The following CACNA1E variants were observed in gnomAD, a reference collection of about 807,000 sequenced individuals.
CACNA1E encodes calcium voltage-gated channel subunit alpha1 E.
Under a neutral mutation model 259.2 loss-of-function variants are expected in CACNA1E, and 40 were observed. The observed-to-expected ratio is 0.15, with a 90% CI of 0.12 to 0.20. The LOEUF (loss-of-function observed/expected upper bound fraction) is 0.20. Ranked by LOEUF, CACNA1E falls within the 10% of genes least tolerant of loss-of-function variation. The pLI is 1.00. For missense variants in CACNA1E, 1,874 were observed against 3,040.1 expected, an observed-to-expected ratio of 0.62 and a Z score of 9.02; for synonymous variants, 1,104 against 1,138.5, an observed-to-expected ratio of 0.97 and a Z score of 0.61.
At chr1:181,376,241 T>C (rs934393654) in intron 1 of CACNA1E, among the ~76,000 whole-genome samples, 11 of 152,326 alleles carry the variant, frequency 7.2e-5, no homozygotes, top group African/African-American at 2.6e-4. Context: ...CCACAAATCA[T>C]ACCATCTATG....
chr1:181,610,187 C>T (rs1311979913), intron 6 of CACNA1E, among the ~76,000 whole-genome samples: 2 of 152,190 alleles, frequency 1.3e-5, no homozygotes, highest in Non-Finnish European at 2.9e-5. Context: ...TCCAGTGTTA[C>T]AGAGAGAGTC....
At chr1:181,551,110 C>A (rs776960282) in intron 3 of CACNA1E, among the ~76,000 whole-genome samples, 2 of 152,094 alleles carry the variant, frequency 1.3e-5, no homozygotes, top group Non-Finnish European at 2.9e-5. Context: ...GTGGCTCGTT[C>A]TCCTGTGTTT....
At chr1:181,447,413 C>G (rs967003918) in intron 2 of CACNA1E, among the ~76,000 whole-genome samples, 1 of 151,584 alleles carries the variant, frequency 6.6e-6, no homozygotes, top group Admixed American at 6.6e-5. Context: ...TGCCTGTAGT[C>G]CCAGTTATCC....
chr1:181,806,245 G>C lies in CACNA1E; in HGVS notation c.*7411G>C, dbSNP rs1003935200. The C allele has an allele frequency of 6.6e-6, 1 of 152,284 alleles. No individual in the cohort carries two copies. Among genetic ancestry groups the C allele is most frequent in the African/African-American group, 2.4e-5 (1 of 41,438 alleles). 9.4% of individuals were successfully genotyped at this position (152,284 alleles called of 1,614,324 possible). On this transcript the variant is annotated 3_prime_UTR_variant, in exon 48 of 48. Transcript: ENST00000367573. ...GGGATGGGAGAAGGGCCAGTGAGTG[G>C]GATGGGAATGAGCTTCATCAGGAAC...
chr1:181,353,241 A>G (rs554315756), intron 1 of CACNA1E, among the ~76,000 whole-genome samples: 2 of 152,220 alleles, frequency 1.3e-5, no homozygotes, highest in East Asian at 1.9e-4. Flanking sequence ...ACAGCATTTA[A>G]TGGGGGCCTA....
chr1:181,494,320 T>TG (rs988320647), intron 1 of CACNA1E, among the ~76,000 whole-genome samples: 6 of 151,886 alleles, frequency 4.0e-5, no homozygotes, highest in African/African-American at 1.5e-4. Context: ...AGTGGTGTTT[T>TG]TTTTTTTTTT....
intron 1 of CACNA1E, among the ~76,000 whole-genome samples, chr1:181,346,066 AC>A (rs1266018490): frequency 2.6e-5 from 4 of 151,986 alleles, no homozygotes; most frequent in Admixed American, 2.6e-4. Context: ...TGGAATGGAG[AC>A]CCCTGCACAG....
chr1:181,320,062 T>C (rs1178911748), intron 1 of CACNA1E, among the ~76,000 whole-genome samples: 1 of 152,214 alleles, frequency 6.6e-6, no homozygotes, highest in Non-Finnish European at 1.5e-5. Flanking sequence ...AGTCTGGGAC[T>C]CCCAGGAGGC....
intron 3 of CACNA1E, among the ~76,000 whole-genome samples, chr1:181,522,528 G>GA (rs1667067094): frequency 6.6e-6 from 1 of 152,164 alleles, no homozygotes; most frequent in Non-Finnish European, 1.5e-5. Context: ...TTGTTTATGG[G>GA]ATGTTTCTCT....
intron 1 of CACNA1E, among the ~76,000 whole-genome samples, chr1:181,404,936 T>C (rs642876): frequency 0.51 from 78,087 of 152,052 alleles, 20,910 homozygotes; most frequent in African/African-American, 0.66. Flanking sequence ...GCCCCATATG[T>C]CCAGCTTTGG....
intron 1 of CACNA1E, among the ~76,000 whole-genome samples, chr1:181,375,578 G>A (rs1655050358): frequency 6.6e-6 from 1 of 152,216 alleles, no homozygotes. Context: ...CATCGAATGT[G>A]TTGGTTAGCT....
At chr1:181,493,118 C>T (rs1476080025) in intron 1 of CACNA1E, among the ~76,000 whole-genome samples, 3 of 152,164 alleles carry the variant, frequency 2.0e-5, no homozygotes, top group East Asian at 1.9e-4. Flanking sequence ...TGCTATAGAC[C>T]TGTCTCTCCT....
rs150331056 is a variant in CACNA1E, at chr1:181,424,716, G to A, written c.434+11136G>A. Among the ~76,000 whole-genome samples, 19 of 152,296 alleles carry A rather than the reference G, an allele frequency of 1.2e-4. 1 individual carries two copies. The East Asian group carries it at 3.3e-3, about 26-fold the overall frequency. ...CCATCTTTTCCAGAGCACAGTGCTG[G>A]GAGCAAGGGCTGGGGGAGATCTGTT... is the stretch of plus-strand genomic sequence containing the variant. On this transcript the variant is annotated intron_variant, in intron 2 of 11. Coordinates refer to the CACNA1E transcript ENST00000524607.
chr1:181,599,745 T>C (rs1653556605), intron 6 of CACNA1E, among the ~76,000 whole-genome samples: 1 of 152,226 alleles, frequency 6.6e-6, no homozygotes, highest in Non-Finnish European at 1.5e-5. Flanking sequence ...GTGAATGATA[T>C]AGGATCAAGC....
intron 3 of CACNA1E, among the ~76,000 whole-genome samples, chr1:181,561,739 T>C (rs1212994291): frequency 6.6e-6 from 1 of 152,242 alleles, no homozygotes; most frequent in African/African-American, 2.4e-5. Flanking sequence ...GTAGCTGTGA[T>C]AAATAACTAT....
chr1:181,531,624 A>G (rs1667788347), intron 3 of CACNA1E, among the ~76,000 whole-genome samples: 1 of 152,226 alleles, frequency 6.6e-6, no homozygotes, highest in Non-Finnish European at 1.5e-5. Context: ...GTTCACTCAT[A>G]CTTTGCCCAG....
intron 43 of CACNA1E, 72 bp from the exon 44 acceptor site, chr1:181,790,373 G>T (rs759561295): frequency 2.2e-6 from 2 of 916,422 alleles, no homozygotes; most frequent in Non-Finnish European, 3.6e-6. Context: ...AAAGGGTGTT[G>T]CCCTGCTGGG....
intron 7 of CACNA1E, among the ~76,000 whole-genome samples, chr1:181,707,227 AC>A (rs1652877281): frequency 6.6e-6 from 1 of 152,266 alleles, no homozygotes; most frequent in African/African-American, 2.4e-5. Flanking sequence ...AAGGTCCCCC[AC>A]ATCCTCCATT....
intron 2 of CACNA1E, among the ~76,000 whole-genome samples, chr1:181,429,122 C>G (rs1055364614): frequency 2.0e-5 from 3 of 152,080 alleles, no homozygotes; most frequent in African/African-American, 7.2e-5. Flanking sequence ...GCAGAGGTTA[C>G]AGTCAACCGA....
Sources: gnomAD v4.1 joint callset for allele counts (sites outside exome capture counted in the v4.1 genomes callset) on GRCh38, gnomAD v4.1.1 for gene constraint, MANE v1.5 for transcripts, NCBI Gene and HGNC (gene_info 2026-07-23, HGNC 2026-07-21) for gene names.